The following SETX variants were observed in gnomAD, a reference collection of about 807,000 sequenced individuals.
SETX encodes helicase senataxin.
A neutral mutation model predicts 227.2 loss-of-function variants in SETX; 90 were observed. The observed-to-expected ratio is 0.40, with a 90% CI of 0.33 to 0.47. SETX has a LOEUF of 0.47. SETX is among the 20% of genes least tolerant of loss of function. The probability of loss-of-function intolerance (pLI) is 0.91; values close to 1 mark genes in which losing one functional copy is unlikely to be tolerated. For missense variants in SETX, 3,052 were observed against 3,181.5 expected, an observed-to-expected ratio of 0.96 and a Z score of 0.98; for synonymous variants, 1,210 against 1,113.2, an observed-to-expected ratio of 1.09 and a Z score of -1.73.
chr9:132,280,855 G>C (rs1014709307), intron 20 of SETX, among the ~76,000 whole-genome samples: 4 of 152,088 alleles, frequency 2.6e-5, no homozygotes, highest in Non-Finnish European at 5.9e-5. Context: ...CAACAGAGAA[G>C]AGTAGACTAC....
In SETX at chr9:132,295,897, T is replaced by G; in HGVS notation, c.6081A>C (p.Lys2027Asn). Residue 2027 changes from lysine to asparagine, a missense_variant, in exon 15 of 26, where the codon AAA becomes AAC. Physicochemically the swap from Lys to Asn is moderately conservative, Grantham distance 94 (BLOSUM62 0). This residue lies in a region of SETX where 412 missense variants were observed against 589.0 expected (regional missense o/e 0.70). Coordinates refer to ENST00000224140, the MANE Select transcript of SETX (RefSeq NM_015046.7). ...MKKIILEFKEKCKDKKNPLGN... is the reference protein window; with the variant it reads ...MKKIILEFKENCKDKKNPLGN... The stretch of plus-strand genomic sequence containing the variant: ...CTAAAGGATTCTTCTTGTCTTTACA[T>G]TTTTCTTTGAATTCAAGGATAATTT... 1.2e-6 allele frequency: 2 copies of G among 1,613,766 alleles called. No individual in the cohort carries two copies. The highest frequency in any genetic ancestry group is 1.7e-6 in the Non-Finnish European group (2 of 1,179,738).
chr9:132,342,845 T>A lies in SETX; in HGVS notation c.389-46A>T, dbSNP rs748962723. On this transcript the variant is annotated intron_variant, in intron 4 of 25. Transcript: ENST00000224140. ...AAAATACATAAATCTTATCACCTTA[T>A]CAAGATTCCCTAAATTAGGCTCCTT... The A allele has an allele frequency of 2.2e-6, 3 of 1,380,880 alleles. No homozygotes were observed. The Admixed American group carries it at 5.0e-5, about 23-fold the overall frequency. 85.5% of individuals were successfully genotyped at this position (1,380,880 alleles called of 1,614,324 possible).
At chr9:132,313,978 C>G (rs568801581) in intron 10 of SETX, among the ~76,000 whole-genome samples, 1 of 151,836 alleles carries the variant, frequency 6.6e-6, no homozygotes, top group East Asian at 1.9e-4. Context: ...ATTGCTCTGG[C>G]TGGAGTGCAA....
intron 19 of SETX, 134 bp from the exon 20 acceptor site, chr9:132,281,708 T>C (rs1224688812): frequency 2.7e-6 from 2 of 736,932 alleles, no homozygotes; most frequent in Non-Finnish European, 4.7e-6. Context: ...AATACAAATT[T>C]TCCCTGAAAA....
In SETX at chr9:132,264,097, C is replaced by G. The variant is rs1235433051; in HGVS notation, c.*142G>C. ...AAAATACTGAAGATGACCAGAGGCT[C>G]AGGTGTTAAGGATGCATTTTCCATG... On this transcript the variant is annotated 3_prime_UTR_variant, in exon 26 of 26. Coordinates refer to ENST00000224140, the MANE Select transcript of SETX (RefSeq NM_015046.7). The G allele has an allele frequency of 7.0e-6, 8 of 1,149,200 alleles. No individual in the cohort carries two copies. Among genetic ancestry groups the G allele is most frequent in the Non-Finnish European group, 8.9e-6 (7 of 785,782 alleles). 71.2% of individuals were successfully genotyped at this position (1,149,200 alleles called of 1,614,324 possible).
intron 7 of SETX, among the ~76,000 whole-genome samples, chr9:132,334,324 T>C (rs1263124640): frequency 6.6e-6 from 1 of 152,204 alleles, no homozygotes; most frequent in Non-Finnish European, 1.5e-5. Context: ...GGTGCACGCC[T>C]GTAGTCCCAG....
Position 132,329,286 on chromosome 9 carries a change from G to A in SETX, c.2312C>T (p.Ala771Val). 1 of 1,613,880 alleles carries A rather than the reference G, an allele frequency of 6.2e-7. No homozygotes were observed. The highest frequency in any genetic ancestry group is 1.1e-5 in the South Asian group (1 of 91,036). ...SNEDFSLKDD[A>V]LAKTSKRKTK... ...TTTTCGTTTTGAGGTTTTAGCAAGA[G>A]CATCATCCTTTAAAGAGAAATCTTC... Residue 771 changes from alanine (A) to valine (V), a missense_variant, in exon 10 of 26, where the codon GCT (alanine) becomes GTT (valine). Ala to Val is a moderately conservative substitution (Grantham distance 64, BLOSUM62 0). Around this residue, in one of 10 missense-constraint regions of SETX, gnomAD observed 1,483 missense variants for 1,312.0 expected, o/e 1.13. Transcript: ENST00000224140.
chr9:132,328,384 G>GA lies in SETX; in HGVS notation c.3213dup (p.Gln1072SerfsTer3). The GA allele has an allele frequency of 1.2e-6, 2 of 1,613,684 alleles. No individual in the cohort carries two copies. The highest frequency in any genetic ancestry group is 1.7e-6 in the Non-Finnish European group (2 of 1,179,900). ...CACTGAGAATCAGATTCCTCAAACT[G>GA]AAAAAGAGTCTCTGTCTTTTCTTCC... On this transcript the variant is annotated frameshift_variant, in exon 10 of 26. Coordinates refer to ENST00000224140, the MANE Select transcript of SETX (RefSeq NM_015046.7). LOFTEE classifies it high-confidence loss of function.
rs776822427 is a variant in SETX at position 132,295,874 on chromosome 9, A to G, written c.6104T>C (p.Leu2035Ser). ...TAAAATCCACAAAAGTATCATACCT[A>G]AAGGATTCTTCTTGTCTTTACATTT... Reference protein sequence around the residue: ...KEKCKDKKNPLGNCGDINLVR... With the variant: ...KEKCKDKKNPSGNCGDINLVR... The change falls in exon 15 of 26, where the codon TTA becomes TCA. Residue 2035 changes from leucine to serine, a missense_variant and splice_region_variant. Transcript: ENST00000224140. The G allele has an allele frequency of 1.5e-5, 24 of 1,612,848 alleles. No homozygotes were observed. The highest frequency in any genetic ancestry group is 2.0e-5 in the Non-Finnish European group (24 of 1,179,124).
At chr9:132,338,712 T>A (rs925352074) in intron 5 of SETX, among the ~76,000 whole-genome samples, 2 of 152,206 alleles carry the variant, frequency 1.3e-5, no homozygotes, top group Non-Finnish European at 2.9e-5. Flanking sequence ...CCTGTTCAGA[T>A]CTTCATCCAT....
intron 23 of SETX, among the ~76,000 whole-genome samples, chr9:132,273,902 T>C (rs905094638): frequency 1.3e-5 from 2 of 152,128 alleles, no homozygotes; most frequent in Non-Finnish European, 2.9e-5. Flanking sequence ...ATTCTTACCA[T>C]GAAGTATAAC....
chr9:132,331,669 CTG>C (rs1293818288), intron 7 of SETX, among the ~76,000 whole-genome samples: 2 of 143,200 alleles, frequency 1.4e-5, no homozygotes, highest in African/African-American at 5.5e-5. Context: ...TATGATACGT[CTG>C]TAAAAAAAAA....
At position 132,283,180 on chromosome 9, in the gene SETX, C is replaced by T; in HGVS notation, c.6546+84G>A. ...AGATGCAAAAAAAAAAAACACATTTCCTCAACATTTCAGCAGCCACAATTC... is the reference window on the plus strand; with the variant it reads ...AGATGCAAAAAAAAAAAACACATTTTCTCAACATTTCAGCAGCCACAATTC... On this transcript the variant is annotated intron_variant, in intron 19 of 25. Transcript: ENST00000224140. 5 of 1,522,978 alleles carry T rather than the reference C, an allele frequency of 3.3e-6. No individual in the cohort carries two copies. The South Asian group carries it at 5.8e-5, about 18-fold the overall frequency. The allele number at this position is 1,522,978 out of a possible 1,614,324, so 94.3% of individuals were successfully genotyped here. A position where few individuals can be genotyped will look rare whatever the true frequency, so the allele number is the denominator to read the frequency against.
Position 132,273,570 on chromosome 9 carries a change from G to A in SETX, c.7100+1686C>T, listed in dbSNP as rs1843000920. The stretch of plus-strand genomic sequence containing the variant: ...TCCGAAGTGTTTTATTCTTTTTGAT[G>A]CTATTGTAAATGGAATTGTTTCAAC... On this transcript the variant is annotated intron_variant, in intron 23 of 25. Coordinates refer to ENST00000224140, the MANE Select transcript of SETX (RefSeq NM_015046.7). Among the ~76,000 whole-genome samples the A allele has an allele frequency of 2.0e-5, 3 of 152,276 alleles. No homozygotes were observed. In the South Asian group the frequency reaches 6.2e-4, roughly 32 times the overall value.
At chr9:132,268,409 G>C (rs927856426) in intron 25 of SETX, among the ~76,000 whole-genome samples, 2 of 152,208 alleles carry the variant, frequency 1.3e-5, no homozygotes, top group African/African-American at 4.8e-5. Context: ...GCTGAGGTGG[G>C]AGAACGGCTT....
intron 10 of SETX, among the ~76,000 whole-genome samples, chr9:132,325,632 G>A (rs1846691517): frequency 6.6e-6 from 1 of 152,080 alleles, no homozygotes; most frequent in South Asian, 2.1e-4. Flanking sequence ...CAGCTCCAAG[G>A]AGCAGAGTTT....
rs544761414 is a variant in SETX, at chr9:132,295,766, T to C, written c.6106+106A>G. ...TGAACTCACAAGCCACAGATTCAAG[T>C]AGAAGCTATTACCAGGACTGGCCTG... On this transcript the variant is annotated intron_variant, in intron 15 of 25. Coordinates refer to ENST00000224140, the MANE Select transcript of SETX (RefSeq NM_015046.7). 1.4e-5 allele frequency: 14 copies of C among 1,000,688 alleles called. No individual in the cohort carries two copies. The African/African-American group carries it at 1.8e-4, about 13-fold the overall frequency. The allele number at this position is 1,000,688 out of a possible 1,614,324, so 62.0% of individuals were successfully genotyped here.
intron 7 of SETX, among the ~76,000 whole-genome samples, chr9:132,333,118 C>T (rs924437658): frequency 2.2e-4 from 34 of 151,436 alleles, no homozygotes; most frequent in African/African-American, 8.3e-4. Context: ...GTGGCTCATG[C>T]TTGTAATCCC....
At position 132,283,554 on chromosome 9, in the gene SETX, C is replaced by T. The variant is rs1244829030; in HGVS notation, c.6397-141G>A. ...TATTTAGTAAAAGTTAGGGGAAACC[C>T]TCAAATCTAGGAAACAGCAGAAACA... On this transcript the variant is annotated intron_variant, in intron 18 of 25. Transcript: ENST00000224140. The T allele has an allele frequency of 1.4e-5, 15 of 1,036,572 alleles. No homozygotes were observed. In the Admixed American group the frequency reaches 2.6e-4, roughly 18 times the overall value. The allele number at this position is 1,036,572 out of a possible 1,614,324, so 64.2% of individuals were successfully genotyped here.
Sources: gnomAD v4.1 joint callset for allele counts (sites outside exome capture counted in the v4.1 genomes callset) on GRCh38, gnomAD v4.1.1 for gene constraint, gnomAD v4.1.1 regional missense constraint, MANE v1.5 for transcripts, NCBI Gene and HGNC (gene_info 2026-07-23, HGNC 2026-07-21) for gene names.